CALY: variants seen among roughly 807,000 people sequenced by gnomAD.
The protein encoded by CALY is calcyon neuron specific vesicular protein.
In CALY, 15 loss-of-function variants were observed where a neutral mutation model predicts 20.2. That is an observed-to-expected ratio of 0.74 (90% CI 0.50 to 1.14). The LOEUF is 1.14. CALY is among the 50% of genes most tolerant of loss of function. The probability of loss-of-function intolerance (pLI) is 0.00; values close to 1 mark genes in which losing one functional copy is unlikely to be tolerated. For synonymous variants in CALY, 129 were observed against 131.8 expected (o/e 0.98, Z 0.15); for missense variants, 270 against 304.4 (o/e 0.89, Z 0.84).
chr10:133,336,317 C>T (rs1047259001), intron 1 of CALY, among the ~76,000 whole-genome samples: 1 of 152,200 alleles, frequency 6.6e-6, no homozygotes, highest in Non-Finnish European at 1.5e-5. Context: ...CTCCCGGCCT[C>T]CTGGCCACCT....
In CALY at chr10:133,324,305, C is replaced by T. The variant is rs1466092074; in HGVS notation, c.*1290G>A. On this transcript the variant is annotated 3_prime_UTR_variant, in exon 6 of 6. Transcript: ENST00000252939. ...CCCCACCTGGCTGGCTTCCAGCTCACCATGGCTTCCCTGGCAGGCCCAGTT... is the reference window on the plus strand; with the variant it reads ...CCCCACCTGGCTGGCTTCCAGCTCATCATGGCTTCCCTGGCAGGCCCAGTT... 2 of 455,148 alleles carry T rather than the reference C, an allele frequency of 4.4e-6. No homozygotes were observed. Among genetic ancestry groups the T allele is most frequent in the African/African-American group, 2.0e-5 (1 of 50,052 alleles). 28.2% of individuals were successfully genotyped at this position (455,148 alleles called of 1,614,324 possible).
At chr10:133,333,448 G>A (rs371385136) in intron 1 of CALY, among the ~76,000 whole-genome samples, 1 of 149,308 alleles carries the variant, frequency 6.7e-6, no homozygotes, top group Non-Finnish European at 1.5e-5. Context: ...AACGGGGTGC[G>A]GGGAGGGATC....
chr10:133,332,518 T>G (rs1181625470), intron 1 of CALY, among the ~76,000 whole-genome samples: 2 of 152,204 alleles, frequency 1.3e-5, no homozygotes, highest in Non-Finnish European at 2.9e-5. Context: ...TCATTAAAAC[T>G]ATGAACTTCT....
In CALY at chr10:133,325,934, C is replaced by T. The variant is rs1244648630; in HGVS notation, c.547G>A (p.Gly183Arg). 3 of 1,346,198 alleles carry T rather than the reference C, an allele frequency of 2.2e-6. 1 individual carries two copies. The highest frequency in any genetic ancestry group is 3.9e-5 in the South Asian group (2 of 51,692). The allele number at this position is 1,346,198 out of a possible 1,614,324, so 83.4% of individuals were successfully genotyped here. The part of the protein sequence containing the change: ...KEERKGPTQA[G>R]AAAAATEPPG... ...GGTTCGGTGGCCGCCGCCGCCGCCCCAGCCTGGGTGGGCCCCTTGCGCTCC... is the reference window on the plus strand; with the variant it reads ...GGTTCGGTGGCCGCCGCCGCCGCCCTAGCCTGGGTGGGCCCCTTGCGCTCC... Residue 183 changes from glycine to arginine, a missense_variant, in exon 5 of 6, where the codon GGG becomes AGG. Coordinates refer to ENST00000252939, the MANE Select transcript of CALY (RefSeq NM_015722.4).
intron 1 of CALY, 28 bp from the exon 2 acceptor site, chr10:133,329,037 C>T: frequency 6.7e-7 from 1 of 1,499,680 alleles, no homozygotes; most frequent in Non-Finnish European, 8.9e-7. Context: ...GAGTCACTGC[C>T]CACAGGCTGC....
intron 1 of CALY, among the ~76,000 whole-genome samples, chr10:133,335,372 G>T (rs979699798): frequency 6.6e-6 from 1 of 152,166 alleles, no homozygotes; most frequent in Non-Finnish European, 1.5e-5. Context: ...CCGAACCCCC[G>T]CTCGGGCAGG....
chr10:133,327,039 C>T (rs1589851371), intron 3 of CALY, 48 bp from the exon 4 acceptor site: 1 of 1,334,742 alleles, frequency 7.5e-7, no homozygotes, highest in Non-Finnish European at 1.1e-6. Flanking sequence ...CAGGGGCGGT[C>T]TTTGTGGGGA....
At chr10:133,327,113 G>A (rs955866395) in intron 3 of CALY, 122 bp from the exon 4 acceptor site, 6 of 680,834 alleles carry the variant, frequency 8.8e-6, no homozygotes, top group South Asian at 1.7e-5. Flanking sequence ...CCCCACCCCC[G>A]CCCTGGGCAG....
Position 133,325,839 on chromosome 10 carries a change from CG to C in CALY, c.641del (p.Pro214ArgfsTer48). ...ARKAAGSAAP[P>X]PAQ ...GGGGCTGGAGACGTCACTGCGCGGG[CG>C]GGGGCGCCGCGCTCCCGGCCGCCTT... On this transcript the variant is annotated frameshift_variant, in exon 5 of 6. Transcript: ENST00000252939. LOFTEE classifies it high-confidence loss of function. 1 of 1,226,134 alleles carries C rather than the reference CG, an allele frequency of 8.2e-7. No homozygotes were observed. Among genetic ancestry groups the C allele is most frequent in the Non-Finnish European group, 1.0e-6 (1 of 984,870 alleles). 76.0% of individuals were successfully genotyped at this position (1,226,134 alleles called of 1,614,324 possible). A position where few individuals can be genotyped will look rare whatever the true frequency, so the allele number is the denominator to read the frequency against.
At chr10:133,330,517 G>A in intron 1 of CALY, among the ~76,000 whole-genome samples, 1 of 148,274 alleles carries the variant, frequency 6.7e-6, no homozygotes, top group Non-Finnish European at 1.5e-5. Context: ...AATTAGCCGG[G>A]CGCGGTGGCG....
chr10:133,334,604 C>A (rs1177141512), intron 1 of CALY, among the ~76,000 whole-genome samples: 1 of 94,842 alleles, frequency 1.1e-5, no homozygotes, highest in African/African-American at 4.3e-5. Context: ...ATCTGAGGGG[C>A]GAAGGATCTG....
intron 1 of CALY, among the ~76,000 whole-genome samples, chr10:133,331,254 T>C (rs908273409): frequency 6.6e-6 from 1 of 152,176 alleles, no homozygotes; most frequent in Admixed American, 6.5e-5. Context: ...CTACAAGTTA[T>C]GGTGCTGGAG....
chr10:133,335,757 G>T (rs1473432709), intron 1 of CALY, among the ~76,000 whole-genome samples: 1 of 152,230 alleles, frequency 6.6e-6, no homozygotes, highest in African/African-American at 2.4e-5. Flanking sequence ...CTGCACCTGC[G>T]CTGTCGCGGC....
intron 1 of CALY, among the ~76,000 whole-genome samples, chr10:133,331,866 C>T (rs77979551): frequency 6.6e-6 from 1 of 152,156 alleles, no homozygotes; most frequent in Admixed American, 6.5e-5. Context: ...CAGTGGCTCA[C>T]GCCTGTAGTC....
At chr10:133,325,764 G>T in intron 5 of CALY, 35 bp downstream of exon 5, 1 of 988,696 alleles carries the variant, frequency 1.0e-6, no homozygotes, top group Non-Finnish European at 1.3e-6. Flanking sequence ...AGAGACCTGG[G>T]CAGAGCCGGC....
chr10:133,326,872 C>G lies in CALY; in HGVS notation c.360+6G>C, dbSNP rs374409752. The G allele has an allele frequency of 1.3e-6, 2 of 1,595,102 alleles. No individual in the cohort carries two copies. The highest frequency in any genetic ancestry group is 2.7e-5 in the African/African-American group (2 of 74,768). On this transcript the variant is annotated splice_donor_region_variant and intron_variant, in intron 4 of 5. Coordinates refer to ENST00000252939, the MANE Select transcript of CALY (RefSeq NM_015722.4). ...ACACCCCCCACCAGAGCCCTGGCCC[C>G]CTTACCCGCAGCAGGAAGCCGTCGG...
In CALY at chr10:133,324,733, GGCTGGGGCTGGGGTGGGGAT is replaced by G. The variant is rs762101182; in HGVS notation, c.*842_*861del. 9,504 of 187,384 alleles carry G rather than the reference GGCTGGGGCTGGGGTGGGGAT, an allele frequency of 0.051. 547 individuals are homozygous for G. The highest frequency in any genetic ancestry group is 0.091 in the Admixed American group (1,262 of 13,838). 11.6% of individuals were successfully genotyped at this position (187,384 alleles called of 1,614,324 possible). On this transcript the variant is annotated 3_prime_UTR_variant, in exon 6 of 6. Transcript: ENST00000252939. ...CCTGTAGTGTTCAGTGCCGGGAGTTGGCTGGGGCTGGGGTGGGGATGCTGGGGCTGGGGTGGGGATGCTGG... is the reference window on the plus strand; with the variant it reads ...CCTGTAGTGTTCAGTGCCGGGAGTTGGCTGGGGCTGGGGTGGGGATGCTGG...
intron 4 of CALY, chr10:133,326,386 G>T: frequency 2.2e-6 from 2 of 907,846 alleles, no homozygotes; most frequent in South Asian, 1.4e-5. Flanking sequence ...GGACTCTGCG[G>T]AGCGCGCTCC....
At chr10:133,327,118 G>C in intron 3 of CALY, 127 bp from the exon 4 acceptor site, 1 of 683,482 alleles carries the variant, frequency 1.5e-6, no homozygotes, top group Middle Eastern at 3.9e-4. Flanking sequence ...CCCCCGCCCT[G>C]GGCAGCCAGT....
Sources: gnomAD v4.1 joint callset for allele counts (sites outside exome capture counted in the v4.1 genomes callset) on GRCh38, gnomAD v4.1.1 for gene constraint, MANE v1.5 for transcripts, NCBI Gene and HGNC (gene_info 2026-07-23, HGNC 2026-07-21) for gene names.